Variants in PLEKHM3 observed in about 807,000 individuals in gnomAD.
PLEKHM3 encodes pleckstrin homology domain containing M3.
PLEKHM3 carries 45 observed loss-of-function variants against 81.8 expected under a neutral mutation model. The observed-to-expected ratio is 0.55, with a 90% CI of 0.43 to 0.71. The LOEUF (loss-of-function observed/expected upper bound fraction) is 0.71. PLEKHM3 is among the 30% of genes least tolerant of loss of function. The pLI is 0.00. For synonymous variants in PLEKHM3, 352 were observed against 356.4 expected (o/e 0.99, Z 0.14); for missense variants, 788 against 924.3 (o/e 0.85, Z 1.91).
intron 1 of PLEKHM3, among the ~76,000 whole-genome samples, chr2:208,004,101 G>C (rs997202323): frequency 6.6e-6 from 1 of 151,598 alleles, no homozygotes; most frequent in Non-Finnish European, 1.5e-5. Context: ...TATGCTTCTG[G>C]CTTGGTATTT....
chr2:207,849,063 G>A (rs916183234), intron 7 of PLEKHM3, among the ~76,000 whole-genome samples: 5 of 152,202 alleles, frequency 3.3e-5, no homozygotes, highest in Non-Finnish European at 5.9e-5. Flanking sequence ...GCTGGGCGTG[G>A]TGGCTCATGC....
At chr2:207,927,345 G>A (rs1388820565) in intron 5 of PLEKHM3, among the ~76,000 whole-genome samples, 3 of 152,006 alleles carry the variant, frequency 2.0e-5, no homozygotes, top group Non-Finnish European at 4.4e-5. Flanking sequence ...GTGAAAGCCC[G>A]TCTCTACTAA....
intron 1 of PLEKHM3, among the ~76,000 whole-genome samples, chr2:208,002,778 C>T (rs1468905109): frequency 6.6e-6 from 1 of 152,110 alleles, no homozygotes; most frequent in Non-Finnish European, 1.5e-5. Flanking sequence ...CAGACCTTGA[C>T]AATGATGCTG....
chr2:207,842,343 G>A (rs6732700), intron 7 of PLEKHM3, among the ~76,000 whole-genome samples: 8,573 of 152,202 alleles, frequency 0.056, 580 homozygotes, highest in African/African-American at 0.16. Context: ...GATATTGGAC[G>A]TTCTGAACAT....
intron 5 of PLEKHM3, among the ~76,000 whole-genome samples, chr2:207,928,948 A>C (rs1261366024): frequency 6.6e-6 from 1 of 152,210 alleles, no homozygotes; most frequent in African/African-American, 2.4e-5. Flanking sequence ...CTAAGTGAAA[A>C]ATAGGAAGGT....
At chr2:207,854,487 CATTT>C (rs1389762779) in intron 7 of PLEKHM3, among the ~76,000 whole-genome samples, 1 of 152,140 alleles carries the variant, frequency 6.6e-6, no homozygotes, top group Non-Finnish European at 1.5e-5. Context: ...TTATTTATCA[CATTT>C]ATTTATTTAA....
chr2:207,956,734 TTTTTTTTTTTTTG>T, intron 3 of PLEKHM3, among the ~76,000 whole-genome samples: 1 of 138,470 alleles, frequency 7.2e-6, no homozygotes. Context: ...TTTTTTTTTT[TTTTTTTTTTTTTG>T]CAGAGACCCA....
intron 6 of PLEKHM3, among the ~76,000 whole-genome samples, chr2:207,904,588 C>A (rs1160893421): frequency 6.6e-6 from 1 of 152,190 alleles, no homozygotes; most frequent in Non-Finnish European, 1.5e-5. Context: ...TTGCCAATAA[C>A]TGGTACTCAG....
intron 6 of PLEKHM3, chr2:207,868,775 C>T (rs1425139418): frequency 6.6e-6 from 1 of 152,052 alleles, no homozygotes; most frequent in Non-Finnish European, 1.5e-5. Context: ...CTATGAAGGC[C>T]ACATGTCATT....
At chr2:207,978,901 G>A (rs1199584499) in intron 2 of PLEKHM3, among the ~76,000 whole-genome samples, 1 of 152,156 alleles carries the variant, frequency 6.6e-6, no homozygotes, top group South Asian at 2.1e-4. Flanking sequence ...AATAAAATAA[G>A]TCTTAAATTT....
chr2:208,022,374 T>G (rs1338564488), intron 1 of PLEKHM3, among the ~76,000 whole-genome samples: 1 of 152,188 alleles, frequency 6.6e-6, no homozygotes. Flanking sequence ...GAAGACTGGA[T>G]GGGCTTGGCT....
chr2:207,858,193 A>G (rs1350187284), intron 7 of PLEKHM3, among the ~76,000 whole-genome samples: 1 of 67,768 alleles, frequency 1.5e-5, no homozygotes, highest in Admixed American at 1.3e-4. Flanking sequence ...TTTTTTTTTG[A>G]GATGAAGTCT....
intron 3 of PLEKHM3, among the ~76,000 whole-genome samples, chr2:207,956,718 ATTTTTT>A (rs1170073686): frequency 2.5e-3 from 175 of 69,138 alleles, no homozygotes; most frequent in Middle Eastern, 0.016. Flanking sequence ...GCTGATTAAA[ATTTTTT>A]TTTTTTTTTT....
intron 1 of PLEKHM3, among the ~76,000 whole-genome samples, chr2:208,004,417 CA>C (rs11289003): frequency 0.61 from 86,505 of 142,972 alleles, 27,662 homozygotes; most frequent in Non-Finnish European, 0.73. Flanking sequence ...TGCCCTGTCT[CA>C]AAAAAAAAAA....
At chr2:207,982,641 C>A (rs1472524883) in intron 2 of PLEKHM3, among the ~76,000 whole-genome samples, 1 of 150,370 alleles carries the variant, frequency 6.7e-6, no homozygotes, top group Non-Finnish European at 1.5e-5. Context: ...TGTAATGGCA[C>A]GATCTTGGCT....
intron 6 of PLEKHM3, among the ~76,000 whole-genome samples, chr2:207,896,210 T>TTC (rs1316554064): frequency 6.6e-6 from 1 of 152,248 alleles, no homozygotes; most frequent in Non-Finnish European, 1.5e-5. Context: ...ATCCTCTCAC[T>TTC]TCACGAATGA....
At chr2:207,935,762 A>C (rs924861401) in intron 4 of PLEKHM3, among the ~76,000 whole-genome samples, 8 of 152,156 alleles carry the variant, frequency 5.3e-5, no homozygotes, top group African/African-American at 1.9e-4. Flanking sequence ...CTTATTTTTT[A>C]ATAATGTTAC....
intron 6 of PLEKHM3, among the ~76,000 whole-genome samples, chr2:207,899,016 C>A (rs948369960): frequency 6.6e-6 from 1 of 152,200 alleles, no homozygotes; most frequent in Non-Finnish European, 1.5e-5. Flanking sequence ...AAGCTGCCTC[C>A]ATCAGCCTTC....
chr2:208,013,124 T>G (rs1225698008), intron 1 of PLEKHM3, among the ~76,000 whole-genome samples: 1 of 152,172 alleles, frequency 6.6e-6, no homozygotes, highest in Non-Finnish European at 1.5e-5. Context: ...AGAACACAAT[T>G]AAATGACAAT....
Sources: allele counts gnomAD v4.1 joint callset (sites outside exome capture counted in the v4.1 genomes callset), GRCh38; gene constraint gnomAD v4.1.1; transcripts MANE v1.5; gene names NCBI Gene and HGNC (gene_info 2026-07-23, HGNC 2026-07-21).